Variants in TOP3B observed in about 807,000 individuals in gnomAD.
TOP3B encodes the protein DNA topoisomerase 3-beta-1.
Under a neutral mutation model 93.9 loss-of-function variants are expected in TOP3B, and 45 were observed. The observed-to-expected ratio is 0.48, with a 90% CI of 0.38 to 0.61. TOP3B has a LOEUF of 0.61. Among genes scored for constraint, TOP3B ranks in the 20% least tolerant of loss-of-function variants. The pLI is 0.00. For missense variants in TOP3B, 750 were observed against 1,156.1 expected, an observed-to-expected ratio of 0.65 and a Z score of 5.09; for synonymous variants, 357 against 472.6, an observed-to-expected ratio of 0.76 and a Z score of 3.17.
chr22:21,975,483 C>A, intron 2 of TOP3B, 157 bp downstream of exon 2: 1 of 773,394 alleles, frequency 1.3e-6, no homozygotes, highest in Non-Finnish European at 1.9e-6. Context: ...GGAGTGGAAG[C>A]AAATGCACCC....
rs770240711 is a variant in TOP3B, at chr22:21,963,903, G to T, written c.1204+20C>A. On this transcript the variant is annotated intron_variant, in intron 11 of 17. Coordinates refer to ENST00000357179, the MANE Select transcript of TOP3B (RefSeq NM_001282112.2). This position sits in a 1 kb window ranked among gnomAD's most constrained non-coding sequence, Gnocchi z 4.8. The stretch of plus-strand genomic sequence containing the variant: ...CCTTCCCTCCCTGGAAGCACACCGG[G>T]TATGGGATGAGAGCGGTACCTAATT... The T allele has an allele frequency of 6.2e-7, 1 of 1,611,588 alleles. No homozygotes were observed. The highest frequency in any genetic ancestry group is 1.1e-5 in the South Asian group (1 of 91,014).
rs150616632 is a variant in TOP3B at position 21,962,463 on chromosome 22, G to C, written c.1491C>G (p.Ala497=). Residue 497 remains alanine, a synonymous_variant, in exon 13 of 18, where the codon GCC becomes GCG. Transcript: ENST00000357179. ...QTNPPDYLTE[A]ELITLMEKHG... is the part of the protein sequence containing the mutation. ...GCTTCTCCATGAGCGTGATGAGCTC[G>C]GCCTCCGTCAGGTAGTCGGGTGGGT... The C allele has an allele frequency of 6.2e-7, 1 of 1,613,726 alleles. No homozygotes were observed. The highest frequency in any genetic ancestry group is 8.5e-7 in the Non-Finnish European group (1 of 1,180,026).
rs1471793448 is a variant in TOP3B, at chr22:21,957,140, ACAT to A, written c.2560_2562del (p.Met854del). 8.2e-7 allele frequency: 1 copy of A among 1,225,634 alleles called. No homozygotes were observed. The highest frequency in any genetic ancestry group is 1.5e-5 in the African/African-American group (1 of 65,914). The allele number at this position is 1,225,634 out of a possible 1,614,324, so 75.9% of individuals were successfully genotyped here. A position where few individuals can be genotyped will look rare whatever the true frequency, so the allele number is the denominator to read the frequency against. On this transcript the variant is annotated inframe_deletion, in exon 18 of 18. Coordinates refer to ENST00000357179, the MANE Select transcript of TOP3B (RefSeq NM_001282112.2). ...CATACAAAGTAGGCGGCCAGGGCTGACATCTTGTCCTTGGGCCGTCTGGGGTTG... is the reference window on the plus strand; with the variant it reads ...CATACAAAGTAGGCGGCCAGGGCTGACTTGTCCTTGGGCCGTCTGGGGTTG...
At chr22:21,972,011 C>T (rs2071660403) in intron 4 of TOP3B, 60 bp from the exon 5 acceptor site, 3 of 1,454,172 alleles carry the variant, frequency 2.1e-6, no homozygotes, top group Non-Finnish European at 2.8e-6. Flanking sequence ...CCACCCGCCC[C>T]CAGTGCTCCC....
chr22:21,981,728 G>T (rs998027482), intron 1 of TOP3B, among the ~76,000 whole-genome samples: 1 of 151,986 alleles, frequency 6.6e-6, no homozygotes, highest in African/African-American at 2.4e-5. Context: ...ACCCGGGGGC[G>T]GAGGTTGCAG....
intron 6 of TOP3B, chr22:21,968,997 A>C: frequency 1.8e-6 from 1 of 546,234 alleles, no homozygotes; most frequent in Non-Finnish European, 3.3e-6. Flanking sequence ...AGAGGTTTCT[A>C]CTGTCTCAGG....
chr22:21,962,289 G>A, intron 13 of TOP3B, 140 bp downstream of exon 13: 1 of 1,591,300 alleles, frequency 6.3e-7, no homozygotes, highest in East Asian at 2.2e-5. Flanking sequence ...GCCACACACT[G>A]GGTCACCAGT....
chr22:21,970,054 G>T lies in TOP3B; in HGVS notation c.581+156C>A. On this transcript the variant is annotated intron_variant, in intron 6 of 17. Transcript: ENST00000357179. This position sits in a 1 kb window ranked among gnomAD's most constrained non-coding sequence, Gnocchi z 4.4. ...CAAAGTGCAGGGATTACAGGTGTTAGCCACTGTGCCTGGCCTTCTTCAGGG... is the reference window on the plus strand; with the variant it reads ...CAAAGTGCAGGGATTACAGGTGTTATCCACTGTGCCTGGCCTTCTTCAGGG... 1.3e-6 allele frequency: 1 copy of T among 745,686 alleles called. No individual in the cohort carries two copies. The highest frequency in any genetic ancestry group is 2.7e-5 in the Admixed American group (1 of 36,860). 46.2% of individuals were successfully genotyped at this position (745,686 alleles called of 1,614,324 possible).
chr22:21,958,165 C>G, intron 17 of TOP3B: 1 of 1,266,668 alleles, frequency 7.9e-7, no homozygotes, highest in South Asian at 1.5e-5. Context: ...TGGACGCTGA[C>G]TGGGGGTGCC....
chr22:21,964,666 T>G, intron 9 of TOP3B: 1 of 302,844 alleles, frequency 3.3e-6, no homozygotes, highest in Non-Finnish European at 6.3e-6. Flanking sequence ...CATGGAGCCA[T>G]AACCATACCT....
In TOP3B at chr22:21,974,285, C is replaced by T. The variant is rs531825846; in HGVS notation, c.202+72G>A. On this transcript the variant is annotated intron_variant, in intron 3 of 17. Transcript: ENST00000357179. Reference sequence around the variant, plus strand: ...AAACTTCCCTGCCTAGAGGCATCTCCTGGCTTCAACTGGACCCTGGCCAGT... The same window carrying T: ...AAACTTCCCTGCCTAGAGGCATCTCTTGGCTTCAACTGGACCCTGGCCAGT... 9 of 1,543,660 alleles carry T rather than the reference C, an allele frequency of 5.8e-6. No individual in the cohort carries two copies. The East Asian group carries it at 2.1e-4, about 36-fold the overall frequency.
chr22:21,960,290 T>C (rs777937611), intron 14 of TOP3B, 31 bp downstream of exon 14: 1 of 1,612,318 alleles, frequency 6.2e-7, no homozygotes, highest in South Asian at 1.1e-5. Flanking sequence ...GGAGCCTCGG[T>C]GGGCCCTGGG....
intron 16 of TOP3B, 61 bp from the exon 17 acceptor site, chr22:21,958,754 C>T: frequency 6.6e-7 from 1 of 1,510,530 alleles, no homozygotes. Context: ...GGCACCCACC[C>T]CCACTCCTCT....
chr22:21,964,622 A>G lies in TOP3B; in HGVS notation c.944-307T>C, dbSNP rs971874464. The G allele has an allele frequency of 3.0e-5, 13 of 439,492 alleles. No individual in the cohort carries two copies. The Admixed American group carries it at 4.6e-4, about 16-fold the overall frequency. The allele number at this position is 439,492 out of a possible 1,614,324, so 27.2% of individuals were successfully genotyped here. On this transcript the variant is annotated intron_variant, in intron 9 of 17. Transcript: ENST00000357179. ...GGGCTCATGGCCATGGGGATGACAC[A>G]TGGCCTTCAGAGCACCACTCCCCAT...
chr22:21,968,538 CG>C (rs2071503958), intron 7 of TOP3B, 80 bp downstream of exon 7: 2 of 1,564,328 alleles, frequency 1.3e-6, no homozygotes, highest in African/African-American at 2.7e-5. Flanking sequence ...CGGGGCCTGC[CG>C]GCTGATGATG....
chr22:21,963,993 C>A lies in TOP3B; in HGVS notation c.1134G>T (p.Pro378=), dbSNP rs536034274. The change falls in exon 11 of 18, where the codon CCG becomes CCT. Residue 378 remains proline (P), a synonymous_variant. Coordinates refer to ENST00000357179, the MANE Select transcript of TOP3B (RefSeq NM_001282112.2). This position sits in a 1 kb window ranked among gnomAD's most constrained non-coding sequence, Gnocchi z 4.8. ...GGTCGCCGGCGTCATGGCCTTTCCG[C>A]GGGCGGTTGATACCTTCTGCTAACA... ...KRLLAEGINR[P]RKGHDAGDHP... 3 of 1,611,450 alleles carry A rather than the reference C, an allele frequency of 1.9e-6. No individual in the cohort carries two copies. In the African/African-American group the frequency reaches 4.0e-5, roughly 22 times the overall value.
At position 21,971,219 on chromosome 22, in the gene TOP3B, C is replaced by T; in HGVS notation, c.384+658G>A. ...TGCTGTACTGCAACGCCAGGTGCCT[C>T]AGCTCTGTCTCACTGACCAGCTCTT... On this transcript the variant is annotated intron_variant, in intron 5 of 17. Coordinates refer to ENST00000357179, the MANE Select transcript of TOP3B (RefSeq NM_001282112.2). The surrounding 1 kb of genome is among the most constrained non-coding windows in gnomAD (Gnocchi z 4.6). 1 of 361,744 alleles carries T rather than the reference C, an allele frequency of 2.8e-6. No individual in the cohort carries two copies. Among genetic ancestry groups the T allele is most frequent in the Non-Finnish European group, 5.0e-6 (1 of 198,124 alleles). 22.4% of individuals were successfully genotyped at this position (361,744 alleles called of 1,614,324 possible).
At chr22:21,967,976 C>T in intron 7 of TOP3B, 1 of 459,734 alleles carries the variant, frequency 2.2e-6, no homozygotes, top group Non-Finnish European at 4.0e-6. Flanking sequence ...TAAGAAGCAC[C>T]TGAGCCCCTA....
At chr22:21,964,516 GCACCCGTAAGGCTGAATCCTA>G in intron 9 of TOP3B, 1 of 614,580 alleles carries the variant, frequency 1.6e-6, no homozygotes, top group Non-Finnish European at 2.8e-6. Context: ...GCTGAATCCC[GCACCCGTAAGGCTGAATCCTA>G]CACCCAGGAT....
Sources: gnomAD v4.1 joint callset for allele counts (sites outside exome capture counted in the v4.1 genomes callset) on GRCh38, gnomAD v4.1.1 for gene constraint, Gnocchi (gnomAD v3.1) non-coding constraint, MANE v1.5 for transcripts, NCBI Gene and HGNC (gene_info 2026-07-23, HGNC 2026-07-21) for gene names.